LRP2: variants seen among roughly 807,000 people sequenced by gnomAD.
The protein encoded by LRP2 is low-density lipoprotein receptor-related protein 2.
LRP2 carries 172 observed loss-of-function variants against 531.0 expected under a neutral mutation model. The ratio of observed to expected loss-of-function variants is 0.32; its 90% CI spans 0.29 to 0.37. LRP2 has a LOEUF of 0.37. Among genes scored for constraint, LRP2 ranks in the 10% least tolerant of loss-of-function variants. The pLI, the probability that LRP2 is intolerant of heterozygous loss-of-function variation, is 1.00. For synonymous variants in LRP2, 1,992 were observed against 2,027.6 expected (o/e 0.98, Z 0.47); for missense variants, 5,167 against 5,868.3 (o/e 0.88, Z 3.90).
At chr2:169,170,921 G>GTTTTTTTTTTTTT (rs57451386) in intron 58 of LRP2, among the ~76,000 whole-genome samples, 1 of 91,846 alleles carries the variant, frequency 1.1e-5, no homozygotes, top group Non-Finnish European at 2.0e-5. Context: ...CTCTCTCTCT[G>GTTTTTTTTTTTTT]TTTTTTTTTT....
chr2:169,318,016 G>A (rs746967841), intron 3 of LRP2, among the ~76,000 whole-genome samples: 2 of 152,172 alleles, frequency 1.3e-5, no homozygotes, highest in Non-Finnish European at 2.9e-5. Flanking sequence ...GTTTGAGGCT[G>A]CAGTGAGCTG....
intron 29 of LRP2, among the ~76,000 whole-genome samples, chr2:169,234,630 G>A (rs1689535215): frequency 6.6e-6 from 1 of 152,044 alleles, no homozygotes; most frequent in African/African-American, 2.4e-5. Context: ...ATTCCTTTGG[G>A]TATATACCCA....
intron 46 of LRP2, among the ~76,000 whole-genome samples, chr2:169,196,327 T>A (rs1688003711): frequency 6.6e-6 from 1 of 152,262 alleles, no homozygotes; most frequent in Non-Finnish European, 1.5e-5. Flanking sequence ...TGTATTTTTA[T>A]ATTTTTACAA....
At chr2:169,216,184 G>A in intron 35 of LRP2, 69 bp downstream of exon 35, 1 of 1,525,730 alleles carries the variant, frequency 6.6e-7, no homozygotes. Context: ...CTGCCTGACA[G>A]CTCAGAACAC....
At chr2:169,237,041 A>G in intron 28 of LRP2, 62 bp downstream of exon 28, 2 of 1,353,968 alleles carry the variant, frequency 1.5e-6, no homozygotes, top group Non-Finnish European at 2.1e-6. Flanking sequence ...ACATCATGTT[A>G]CTGTTGTTTT....
chr2:169,289,576 G>A (rs831018), intron 8 of LRP2, among the ~76,000 whole-genome samples: 145,608 of 150,772 alleles, frequency 0.97, 70,225 homozygotes, highest in East Asian at 1. Flanking sequence ...CAAAAGAAAA[G>A]AAAAAGCTCC....
chr2:169,291,149 A>G (rs1463443862), intron 7 of LRP2, 152 bp from the exon 8 acceptor site: 29 of 684,688 alleles, frequency 4.2e-5, no homozygotes. Flanking sequence ...TTCTAACTCT[A>G]CCACTAGTCT....
intron 19 of LRP2, among the ~76,000 whole-genome samples, chr2:169,255,152 C>T (rs1690252762): frequency 6.6e-6 from 1 of 152,114 alleles, no homozygotes; most frequent in African/African-American, 2.4e-5. Context: ...ACACAACTAG[C>T]ATATACACAG....
chr2:169,362,253 C>G, intron 1 of LRP2, 68 bp downstream of exon 1: 1 of 1,407,132 alleles, frequency 7.1e-7, no homozygotes, highest in Non-Finnish European at 9.8e-7. Context: ...CTCCGGCCTC[C>G]CGCGGACCCG....
chr2:169,220,077 C>G (rs893218092), intron 34 of LRP2, among the ~76,000 whole-genome samples: 2 of 152,172 alleles, frequency 1.3e-5, no homozygotes, highest in Admixed American at 1.3e-4. Flanking sequence ...TCTCCACCTA[C>G]TAGAAGGCTT....
intron 1 of LRP2, among the ~76,000 whole-genome samples, chr2:169,325,632 A>T (rs577726487): frequency 6.6e-6 from 1 of 152,314 alleles, no homozygotes; most frequent in South Asian, 2.1e-4. Flanking sequence ...AATTGTATGG[A>T]GCACTCTACC....
Position 169,233,263 on chromosome 2 carries a change from A to G in LRP2, c.5098+148T>C. ...TAAAAGTAATGGCAATGTCAGGACT[A>G]GGGAAAGTATATAGTGGGGTGGTTT... On this transcript the variant is annotated intron_variant, in intron 30 of 78. Transcript: ENST00000649046. 6.1e-6 allele frequency: 5 copies of G among 817,994 alleles called. No homozygotes were observed. The South Asian group carries it at 7.3e-5, about 12-fold the overall frequency. The allele number at this position is 817,994 out of a possible 1,614,324, so 50.7% of individuals were successfully genotyped here.
chr2:169,232,641 G>GTTT (rs1670216394), intron 30 of LRP2, among the ~76,000 whole-genome samples: 2 of 152,276 alleles, frequency 1.3e-5, no homozygotes, highest in South Asian at 4.1e-4. Context: ...GGGCCTCTCT[G>GTTT]AGAAAGTGAC....
At chr2:169,218,245 T>C (rs1266348739) in intron 34 of LRP2, among the ~76,000 whole-genome samples, 1 of 152,166 alleles carries the variant, frequency 6.6e-6, no homozygotes, top group African/African-American at 2.4e-5. Context: ...GGGTTGCTCT[T>C]AGTCACTTGA....
intron 77 of LRP2, 64 bp downstream of exon 77, chr2:169,132,509 TA>T (rs1459659028): frequency 3.3e-6 from 3 of 905,594 alleles, no homozygotes; most frequent in Non-Finnish European, 5.6e-6. Flanking sequence ...TTAAGGTTAA[TA>T]AAAACCCAGT....
intron 4 of LRP2, among the ~76,000 whole-genome samples, 173 bp downstream of exon 4, chr2:169,307,108 T>C (rs1284571272): frequency 6.6e-6 from 1 of 152,182 alleles, no homozygotes; most frequent in Non-Finnish European, 1.5e-5. Flanking sequence ...TTGTTAAAAA[T>C]AGACTCTTAT....
At chr2:169,308,454 T>G (rs1684490154) in intron 3 of LRP2, among the ~76,000 whole-genome samples, 1 of 152,198 alleles carries the variant, frequency 6.6e-6, no homozygotes, top group East Asian at 1.9e-4. Context: ...TTCCCACCTA[T>G]GAGTGAGAAC....
chr2:169,187,837 G>T, intron 49 of LRP2, 133 bp downstream of exon 49: 3 of 985,554 alleles, frequency 3.0e-6, no homozygotes, highest in Admixed American at 1.9e-5. Context: ...GTAACCTTTT[G>T]CTATATCAGG....
intron 1 of LRP2, among the ~76,000 whole-genome samples, chr2:169,353,664 T>G (rs982599514): frequency 5.9e-5 from 9 of 152,182 alleles, no homozygotes; most frequent in African/African-American, 1.7e-4. Flanking sequence ...ATACTTTCAT[T>G]CTTAAATTCA....
Sources: allele counts gnomAD v4.1 joint callset (sites outside exome capture counted in the v4.1 genomes callset), GRCh38; gene constraint gnomAD v4.1.1; transcripts MANE v1.5; gene names NCBI Gene and HGNC (gene_info 2026-07-23, HGNC 2026-07-21).